Variants in CNBD1 observed in about 807,000 individuals in gnomAD.
The protein encoded by CNBD1 is cyclic nucleotide binding domain containing 1, also known as cyclic nucleotide-binding domain-containing protein 1.
CNBD1 carries 71 observed loss-of-function variants against 54.4 expected under a neutral mutation model. The observed-to-expected ratio is 1.30, with a 90% confidence interval of 1.08 to 1.59. CNBD1 has a LOEUF of 1.59. Ranked by LOEUF, CNBD1 falls within the 40% of genes most tolerant of loss-of-function variation. CNBD1 has a pLI of 0.00. For synonymous variants in CNBD1, 182 were observed against 170.7 expected, an observed-to-expected ratio of 1.07 and a Z score of -0.51; for missense variants, 659 against 518.0, an observed-to-expected ratio of 1.27 and a Z score of -2.64.
At chr8:87,423,729 A>G (rs1369841390) in intron 2 of CNBD1, among the ~76,000 whole-genome samples, 1 of 151,330 alleles carries the variant, frequency 6.6e-6, no homozygotes. Flanking sequence ...ATATTGGTCT[A>G]AAATTCTCTT....
At chr8:87,047,420 G>T (rs1810218493) in intron 4 of CNBD1, among the ~76,000 whole-genome samples, 1 of 152,150 alleles carries the variant, frequency 6.6e-6, no homozygotes, top group South Asian at 2.1e-4. Context: ...AAATTGTTCA[G>T]GGAAAACCCA....
chr8:86,899,507 C>T (rs1198199072), intron 2 of CNBD1, among the ~76,000 whole-genome samples: 1 of 152,044 alleles, frequency 6.6e-6, no homozygotes, highest in Non-Finnish European at 1.5e-5. Context: ...TGAGAATTTT[C>T]ACTTAGTTCT....
intron 4 of CNBD1, among the ~76,000 whole-genome samples, chr8:87,092,115 A>G (rs2130680582): frequency 6.6e-6 from 1 of 152,320 alleles, no homozygotes; most frequent in South Asian, 2.1e-4. Context: ...ACATAGCAAG[A>G]GAAATAGTCA....
At chr8:87,211,998 A>G (rs1321625248) in intron 5 of CNBD1, among the ~76,000 whole-genome samples, 1 of 152,192 alleles carries the variant, frequency 6.6e-6, no homozygotes, top group Non-Finnish European at 1.5e-5. Context: ...AAAATCCCTG[A>G]CCCACATGGA....
At chr8:86,954,232 C>T (rs1280224009) in intron 4 of CNBD1, among the ~76,000 whole-genome samples, 1 of 152,188 alleles carries the variant, frequency 6.6e-6, no homozygotes, top group Non-Finnish European at 1.5e-5. Context: ...CTATTAATGT[C>T]AACCCCAATT....
Position 86,905,178 on chromosome 8 carries a change from A to C in CNBD1, c.256A>C (p.Lys86Gln). Residue 86 changes from lysine (K) to glutamine (Q), a missense_variant, in exon 3 of 11, where the codon AAA becomes CAA. Lys to Gln is a moderately conservative substitution (Grantham distance 53, BLOSUM62 1). Transcript: ENST00000518476. ...HQKPRLPKLFKQEEQRELNEG... is the reference protein window; with the variant it reads ...HQKPRLPKLFQQEEQRELNEG... ...AAAACCCAGACTTCCTAAACTTTTC[A>C]AACAGGAGGAACAAAGGTAATGATA... 5.6e-6 allele frequency: 9 copies of C among 1,598,174 alleles called. No individual in the cohort carries two copies. In the South Asian group the frequency reaches 8.9e-5, roughly 16 times the overall value.
At chr8:87,092,847 C>A (rs1359607165) in intron 4 of CNBD1, among the ~76,000 whole-genome samples, 1 of 152,080 alleles carries the variant, frequency 6.6e-6, no homozygotes, top group Non-Finnish European at 1.5e-5. Context: ...TGATGTCTCA[C>A]AACCTCCCAC....
chr8:87,313,909 T>C (rs1317991712), intron 8 of CNBD1, among the ~76,000 whole-genome samples: 1 of 151,926 alleles, frequency 6.6e-6, no homozygotes, highest in Non-Finnish European at 1.5e-5. Flanking sequence ...TTTACCCCCA[T>C]TTTGTACCTT....
chr8:87,223,462 A>G (rs1251283045), intron 5 of CNBD1, among the ~76,000 whole-genome samples: 2 of 145,624 alleles, frequency 1.4e-5, no homozygotes, highest in South Asian at 2.1e-4. Flanking sequence ...TCATTGTTCA[A>G]TTCCCACCTA....
At chr8:87,409,627 T>C (rs543517312) in intron 2 of CNBD1, among the ~76,000 whole-genome samples, 4 of 152,138 alleles carry the variant, frequency 2.6e-5, no homozygotes, top group Non-Finnish European at 5.9e-5. Flanking sequence ...CTTCAAATAA[T>C]AGGCAGACTC....
chr8:87,008,967 A>C (rs1414150602), intron 4 of CNBD1, among the ~76,000 whole-genome samples: 2 of 152,110 alleles, frequency 1.3e-5, no homozygotes, highest in Admixed American at 1.3e-4. Context: ...TTATTATTTA[A>C]TATAATTATA....
chr8:87,348,175 T>C (rs897368868), intron 8 of CNBD1, among the ~76,000 whole-genome samples: 3 of 152,148 alleles, frequency 2.0e-5, no homozygotes, highest in African/African-American at 7.2e-5. Context: ...CAGAAGGCAT[T>C]GTATAATTGG....
intron 6 of CNBD1, among the ~76,000 whole-genome samples, chr8:87,263,500 C>A (rs953186548): frequency 6.6e-6 from 1 of 152,028 alleles, no homozygotes; most frequent in Non-Finnish European, 1.5e-5. Flanking sequence ...TAAATAAATA[C>A]ACACAGTCAC....
intron 3 of CNBD1, among the ~76,000 whole-genome samples, chr8:86,928,237 T>C (rs1415023191): frequency 2.0e-5 from 3 of 152,140 alleles, no homozygotes; most frequent in Non-Finnish European, 4.4e-5. Flanking sequence ...TAGGAAGTCA[T>C]TTGTGAGAAA....
At chr8:87,383,370 C>G (rs113657108), downstream of CNBD1, among the ~76,000 whole-genome samples, 1 of 152,028 alleles carries the variant, frequency 6.6e-6, no homozygotes, top group Admixed American at 6.6e-5. Context: ...GAAAACCGTA[C>G]GTTTATTCAA....
chr8:87,352,880 A>C (rs1166536882), intron 9 of CNBD1, among the ~76,000 whole-genome samples: 1 of 152,208 alleles, frequency 6.6e-6, no homozygotes, highest in East Asian at 1.9e-4. Context: ...GCAAATATTC[A>C]AGTTATATTG....
chr8:87,031,270 AG>A (rs1393095948), intron 4 of CNBD1, among the ~76,000 whole-genome samples: 1 of 151,970 alleles, frequency 6.6e-6, no homozygotes, highest in African/African-American at 2.4e-5. Flanking sequence ...TTTTGCAAAA[AG>A]CACTTAATTA....
chr8:87,170,878 G>T (rs1031795700), intron 4 of CNBD1, among the ~76,000 whole-genome samples: 9 of 152,056 alleles, frequency 5.9e-5, no homozygotes, highest in Admixed American at 3.9e-4. Context: ...TGGTCATGAT[G>T]AATGATCTTC....
intron 8 of CNBD1, among the ~76,000 whole-genome samples, chr8:87,332,243 G>T (rs1378789858): frequency 1.3e-5 from 2 of 152,002 alleles, no homozygotes; most frequent in Non-Finnish European, 2.9e-5. Flanking sequence ...AGTTATTCTG[G>T]AGGCTGAGTC....
Sources: gnomAD v4.1 joint callset for allele counts (sites outside exome capture counted in the v4.1 genomes callset) on GRCh38, gnomAD v4.1.1 for gene constraint, MANE v1.5 for transcripts, NCBI Gene and HGNC (gene_info 2026-07-23, HGNC 2026-07-21) for gene names.